The following NDUFA5 variants were observed in gnomAD, a reference collection of about 807,000 sequenced individuals.
NDUFA5 encodes NADH dehydrogenase [ubiquinone] 1 alpha subcomplex subunit 5.
A neutral mutation model predicts 19.8 loss-of-function variants in NDUFA5; 11 were observed. The observed-to-expected ratio is 0.56, with a 90% CI of 0.35 to 0.92. The LOEUF is 0.92. Among genes scored for constraint, NDUFA5 ranks in the 40% least tolerant of loss-of-function variants. The pLI, the probability that NDUFA5 is intolerant of heterozygous loss-of-function variation, is 0.01. For synonymous variants in NDUFA5, 47 were observed against 46.8 expected, an observed-to-expected ratio of 1.00 and a Z score of -0.01; for missense variants, 109 against 134.2, an observed-to-expected ratio of 0.81 and a Z score of 0.93.
chr7:123,578,334 C>G, the NDUFA5 span, among the ~76,000 whole-genome samples: 1 of 151,680 alleles, frequency 6.6e-6, no homozygotes, highest in Non-Finnish European at 1.5e-5. Flanking sequence ...CAGCAGTATT[C>G]CTGTGACTAG....
intron 2 of NDUFA5, among the ~76,000 whole-genome samples, chr7:123,552,665 G>A (rs1471076288): frequency 7.9e-6 from 1 of 126,032 alleles, no homozygotes; most frequent in African/African-American, 2.9e-5. Flanking sequence ...AAAAAATTGT[G>A]TGCAGTCCTA....
chr7:123,589,248 A>G, the NDUFA5 span, among the ~76,000 whole-genome samples: 1 of 151,148 alleles, frequency 6.6e-6, no homozygotes, highest in Admixed American at 6.6e-5. Flanking sequence ...TACAATTGTT[A>G]TTTTCTCTTG....
rs933702776 is a variant in NDUFA5, at chr7:123,550,277, G to A, written c.183+193C>T. On this transcript the variant is annotated intron_variant, in intron 3 of 4. Coordinates refer to ENST00000355749, the MANE Select transcript of NDUFA5 (RefSeq NM_005000.5). The stretch of plus-strand genomic sequence containing the variant: ...GATCTGATCCTAGTCTCAAACTCCA[G>A]TATGTAACAGAGGCCTGCATATAGA... 5 of 499,068 alleles carry A rather than the reference G, an allele frequency of 1.0e-5. No individual in the cohort carries two copies. In the Admixed American group the frequency reaches 1.6e-4, roughly 16 times the overall value. The allele number at this position is 499,068 out of a possible 1,614,324, so 30.9% of individuals were successfully genotyped here.
upstream of NDUFA5, among the ~76,000 whole-genome samples, chr7:123,560,417 C>A (rs1359796990): frequency 6.6e-6 from 1 of 152,158 alleles, no homozygotes; most frequent in Non-Finnish European, 1.5e-5. Context: ...GTTGCATAAT[C>A]TTTTATATAG....
At chr7:123,556,239 C>T (rs901373958) in intron 2 of NDUFA5, 1 of 149,246 alleles carries the variant, frequency 6.7e-6, no homozygotes, top group African/African-American at 2.4e-5. Context: ...ATCAGGAACC[C>T]CATTTTGGAC....
chr7:123,550,317 C>A, intron 3 of NDUFA5, 153 bp downstream of exon 3: 2 of 593,988 alleles, frequency 3.4e-6, no homozygotes, highest in East Asian at 3.1e-5. Flanking sequence ...ACTCAATAAA[C>A]AAGAGTTTGC....
chr7:123,578,930 C>T, the NDUFA5 span, among the ~76,000 whole-genome samples: 4 of 151,838 alleles, frequency 2.6e-5, no homozygotes, highest in African/African-American at 9.7e-5. Context: ...ATTTTAGATT[C>T]GGGTGGTACA....
chr7:123,584,308 CAAAAAAAA>C, the NDUFA5 span, among the ~76,000 whole-genome samples: 16 of 99,504 alleles, frequency 1.6e-4, no homozygotes, highest in South Asian at 6.9e-4. Flanking sequence ...AAGGCCTTGT[CAAAAAAAA>C]AAAAAAAAAA....
At chr7:123,580,225 G>A in the NDUFA5 span, among the ~76,000 whole-genome samples, 1 of 152,126 alleles carries the variant, frequency 6.6e-6, no homozygotes, top group East Asian at 1.9e-4. Context: ...CGTTTTGCCT[G>A]TTCAGAGAGC....
the NDUFA5 span, among the ~76,000 whole-genome samples, chr7:123,577,198 A>G: frequency 6.6e-5 from 10 of 152,128 alleles, no homozygotes; most frequent in Non-Finnish European, 2.9e-5. Context: ...TATATCATTG[A>G]TATCTTCCAT....
At chr7:123,564,769 C>T in the NDUFA5 span, among the ~76,000 whole-genome samples, 1 of 151,864 alleles carries the variant, frequency 6.6e-6, no homozygotes, top group Non-Finnish European at 1.5e-5. Flanking sequence ...GATTGTTTGC[C>T]TTATGATTTC....
chr7:123,600,052 T>C, the NDUFA5 span, among the ~76,000 whole-genome samples: 9 of 152,302 alleles, frequency 5.9e-5, no homozygotes, highest in Admixed American at 5.9e-4. Context: ...TCAAAGTATG[T>C]CTTATTGTGT....
Position 123,540,144 on chromosome 7 carries a change from A to G in NDUFA5, c.*1975T>C, listed in dbSNP as rs376951441. On this transcript the variant is annotated 3_prime_UTR_variant, in exon 5 of 5. Transcript: ENST00000355749. ...CTGGTTTCTTATCTGGAAAATGAAG[A>G]TAATTTGTAGTATCACTCTTAGGGT... 2 of 152,166 alleles carry G rather than the reference A, an allele frequency of 1.3e-5. No individual in the cohort carries two copies. Among genetic ancestry groups the G allele is most frequent in the Non-Finnish European group, 2.9e-5 (2 of 68,032 alleles). 9.4% of individuals were successfully genotyped at this position (152,166 alleles called of 1,614,324 possible). A position where few individuals can be genotyped will look rare whatever the true frequency, so the allele number is the denominator to read the frequency against.
rs28477351 is a variant in NDUFA5 at position 123,545,009 on chromosome 7, T to C, written c.249+602A>G. The stretch of plus-strand genomic sequence containing the variant: ...GTGAGAGGAGAAGAAAATTTCCCAA[T>C]AGAATAATTTAAGATTTAAATATTC... On this transcript the variant is annotated intron_variant, in intron 4 of 4. Coordinates refer to ENST00000355749, the MANE Select transcript of NDUFA5 (RefSeq NM_005000.5). 6.9e-3 allele frequency among the ~76,000 whole-genome samples: 1,044 copies of C among 152,014 alleles called. 10 individuals carry two copies. Among genetic ancestry groups the C allele is most frequent in the African/African-American group, 0.023 (970 of 41,544 alleles).
the NDUFA5 span, among the ~76,000 whole-genome samples, chr7:123,579,028 T>C: frequency 6.6e-6 from 1 of 152,080 alleles, no homozygotes. Context: ...GTAGTACTAA[T>C]AGGTGGTTTT....
At chr7:123,575,842 G>T in the NDUFA5 span, among the ~76,000 whole-genome samples, 1 of 135,416 alleles carries the variant, frequency 7.4e-6, no homozygotes. Flanking sequence ...GAAATCCACT[G>T]ACACTCCTAG....
chr7:123,554,045 T>C (rs1249150695), intron 2 of NDUFA5, among the ~76,000 whole-genome samples: 1 of 152,208 alleles, frequency 6.6e-6, no homozygotes, highest in African/African-American at 2.4e-5. Flanking sequence ...GGTATATAGT[T>C]CTATTTTCTT....
At chr7:123,594,563 T>C in the NDUFA5 span, among the ~76,000 whole-genome samples, 10 of 152,176 alleles carry the variant, frequency 6.6e-5, no homozygotes, top group African/African-American at 2.2e-4. Flanking sequence ...TGTTGGAGTT[T>C]GCTGGAGGTC....
intron 4 of NDUFA5, among the ~76,000 whole-genome samples, chr7:123,543,246 T>C (rs1223280364): frequency 6.6e-6 from 1 of 152,186 alleles, no homozygotes; most frequent in African/African-American, 2.4e-5. Context: ...GAACATCCAA[T>C]GCTTTCTCAA....
Sources: gnomAD v4.1 joint callset for allele counts (sites outside exome capture counted in the v4.1 genomes callset) on GRCh38, gnomAD v4.1.1 for gene constraint, MANE v1.5 for transcripts, NCBI Gene and HGNC (gene_info 2026-07-23, HGNC 2026-07-21) for gene names.